Variants in FAM107B observed in about 807,000 individuals in gnomAD.
The protein encoded by FAM107B is family with sequence similarity 107 member B, also known as protein FAM107B.
A neutral mutation model predicts 31.5 loss-of-function variants in FAM107B; 21 were observed. The ratio of observed to expected loss-of-function variants is 0.67; its 90% CI spans 0.47 to 0.96. FAM107B has a LOEUF of 0.96. FAM107B is among the 40% of genes least tolerant of loss of function. The pLI, the probability that FAM107B is intolerant of heterozygous loss-of-function variation, is 0.00. For missense variants in FAM107B, 452 were observed against 377.1 expected, an observed-to-expected ratio of 1.20 and a Z score of -1.64; for synonymous variants, 157 against 141.5, an observed-to-expected ratio of 1.11 and a Z score of -0.78.
At position 14,523,539 on chromosome 10, in the gene FAM107B, G is replaced by C. The variant is rs539007553; in HGVS notation, c.654-1520C>G. Among the ~76,000 whole-genome samples, 323 of 152,266 alleles carry C rather than the reference G, an allele frequency of 2.1e-3. 3 individuals are homozygous for C. The highest frequency in any genetic ancestry group is 7.4e-3 in the African/African-American group (307 of 41,560). On this transcript the variant is annotated intron_variant, in intron 3 of 4. Transcript: ENST00000181796. Reference sequence around the variant, plus strand: ...CCACACACCTCCTGGTCCGGCTGCTGATGACTGCTAATCTGTAGACAAGGG... The same window carrying C: ...CCACACACCTCCTGGTCCGGCTGCTCATGACTGCTAATCTGTAGACAAGGG...
chr10:14,657,199 A>G (rs1425646206), intron 2 of FAM107B, among the ~76,000 whole-genome samples: 4 of 152,170 alleles, frequency 2.6e-5, no homozygotes, highest in African/African-American at 9.7e-5. Context: ...TCTGGAAGCA[A>G]TTTGCTCTCT....
chr10:14,594,025 T>C (rs1852101928), intron 2 of FAM107B, among the ~76,000 whole-genome samples: 1 of 152,192 alleles, frequency 6.6e-6, no homozygotes. Context: ...TGTACAAAAA[T>C]GGCATTTCTG....
At chr10:14,554,804 G>C (rs573070435) in intron 2 of FAM107B, among the ~76,000 whole-genome samples, 1 of 152,134 alleles carries the variant, frequency 6.6e-6, no homozygotes, top group South Asian at 2.1e-4. Flanking sequence ...CAAAAAAGTG[G>C]GTGAGCAGAA....
At chr10:14,760,580 T>G (rs1448735273) in intron 1 of FAM107B, among the ~76,000 whole-genome samples, 1 of 152,132 alleles carries the variant, frequency 6.6e-6, no homozygotes, top group Admixed American at 6.6e-5. Context: ...ATTAAGCATA[T>G]TGCCAAGAAG....
chr10:14,594,501 CAAAAAAA>C (rs371126997), intron 2 of FAM107B, among the ~76,000 whole-genome samples: 125 of 80,166 alleles, frequency 1.6e-3, no homozygotes, highest in African/African-American at 7.1e-3. Context: ...AAGACCCTGC[CAAAAAAA>C]AAAAAAAAAC....
At chr10:14,759,117 C>G (rs575857887) in intron 1 of FAM107B, among the ~76,000 whole-genome samples, 1 of 151,596 alleles carries the variant, frequency 6.6e-6, no homozygotes, top group East Asian at 1.9e-4. Context: ...GTGGAGGTTG[C>G]AGTGAGCCGA....
chr10:14,672,651 C>T (rs1854589862), intron 1 of FAM107B, among the ~76,000 whole-genome samples: 1 of 152,088 alleles, frequency 6.6e-6, no homozygotes, highest in South Asian at 2.1e-4. Flanking sequence ...CTGTATTTTC[C>T]TTGAGGACTA....
chr10:14,680,560 C>T (rs1212459849), intron 1 of FAM107B, among the ~76,000 whole-genome samples: 13 of 125,388 alleles, frequency 1.0e-4, no homozygotes, highest in African/African-American at 4.0e-4. Flanking sequence ...GGCAACAGAG[C>T]GAGACTCTGT....
rs911793989 is a variant in FAM107B, at chr10:14,757,536, C to T, written c.411+16717G>A. Among the ~76,000 whole-genome samples the T allele has an allele frequency of 1.1e-4, 16 of 152,230 alleles. 1 individual carries two copies. The highest frequency in any genetic ancestry group is 6.8e-3 in the Middle Eastern group (2 of 294). Reference sequence around the variant, plus strand: ...CTAACAAACTATTCAGTGAGCCAGACGGAGCGAATCCAAAATTTCCCTGCA... The same window carrying T: ...CTAACAAACTATTCAGTGAGCCAGATGGAGCGAATCCAAAATTTCCCTGCA... On this transcript the variant is annotated intron_variant, in intron 1 of 4. Transcript: ENST00000181796.
chr10:14,523,899 C>T (rs1387818900), intron 3 of FAM107B, among the ~76,000 whole-genome samples: 1 of 146,086 alleles, frequency 6.8e-6, no homozygotes, highest in Non-Finnish European at 1.5e-5. Flanking sequence ...GACAGGCTCT[C>T]TCTGTTGCCC....
rs149094713 is a variant in FAM107B at position 14,600,721 on chromosome 10, C to A, written c.469+66913G>T. Among the ~76,000 whole-genome samples, 21 of 152,280 alleles carry A rather than the reference C, an allele frequency of 1.4e-4. No individual in the cohort carries two copies. In the East Asian group the frequency reaches 3.9e-3, roughly 28 times the overall value. ...CTGGCGTGATCACAGCTCACTGCAG[C>A]CTCGAACTCCTGGGCTCAAGTGATC... On this transcript the variant is annotated intron_variant, in intron 2 of 4. Coordinates refer to ENST00000181796, the MANE Select transcript of FAM107B (RefSeq NM_031453.4).
At chr10:14,762,225 C>T (rs1392103967) in intron 1 of FAM107B, among the ~76,000 whole-genome samples, 1 of 152,168 alleles carries the variant, frequency 6.6e-6, no homozygotes, top group African/African-American at 2.4e-5. Context: ...CCTCACCCAA[C>T]AATGACCAAA....
At chr10:14,598,978 G>T (rs528364352) in intron 2 of FAM107B, among the ~76,000 whole-genome samples, 1 of 152,140 alleles carries the variant, frequency 6.6e-6, no homozygotes, top group African/African-American at 2.4e-5. Flanking sequence ...ACCTTGCTCC[G>T]TTCAGCAACT....
intron 1 of FAM107B, among the ~76,000 whole-genome samples, chr10:14,700,875 T>C (rs1165270261): frequency 7.3e-6 from 1 of 136,856 alleles, no homozygotes; most frequent in Non-Finnish European, 1.5e-5. Flanking sequence ...AGTGCAAAAG[T>C]AGAGCTATGC....
chr10:14,673,453 C>T (rs954973457), intron 1 of FAM107B, among the ~76,000 whole-genome samples: 1 of 152,082 alleles, frequency 6.6e-6, no homozygotes, highest in Non-Finnish European at 1.5e-5. Context: ...TATGTTGCTG[C>T]GAATGAAGGA....
chr10:14,560,507 A>G lies in FAM107B; in HGVS notation c.470-29992T>C, dbSNP rs141656696. 1.5e-3 allele frequency among the ~76,000 whole-genome samples: 228 copies of G among 152,320 alleles called. 1 individual carries two copies. Among genetic ancestry groups the G allele is most frequent in the African/African-American group, 5.2e-3 (215 of 41,578 alleles). The stretch of plus-strand genomic sequence containing the variant: ...CAATGGCCTGCAGGTGGCAGAAACA[A>G]TGGAGGAACCAGCCTGAGTCAAGGA... On this transcript the variant is annotated intron_variant, in intron 2 of 4. Coordinates refer to ENST00000181796, the MANE Select transcript of FAM107B (RefSeq NM_031453.4).
At chr10:14,631,322 C>T (rs1212253611) in intron 2 of FAM107B, among the ~76,000 whole-genome samples, 1 of 152,174 alleles carries the variant, frequency 6.6e-6, no homozygotes, top group East Asian at 1.9e-4. Flanking sequence ...AGCCAACATC[C>T]ATATAAAGTA....
chr10:14,592,593 A>G (rs1852057599), intron 2 of FAM107B, among the ~76,000 whole-genome samples: 1 of 152,244 alleles, frequency 6.6e-6, no homozygotes, highest in African/African-American at 2.4e-5. Context: ...TTAAAAATAT[A>G]TAATTGAGGC....
intron 1 of FAM107B, among the ~76,000 whole-genome samples, chr10:14,754,145 G>A (rs550144128): frequency 1.3e-5 from 2 of 152,180 alleles, no homozygotes; most frequent in African/African-American, 2.4e-5. Context: ...TGCCATGTTG[G>A]CCAGACTGGT....
Sources: allele counts gnomAD v4.1 joint callset (sites outside exome capture counted in the v4.1 genomes callset), GRCh38; gene constraint gnomAD v4.1.1; transcripts MANE v1.5; gene names NCBI Gene and HGNC (gene_info 2026-07-23, HGNC 2026-07-21).